The following LIMCH1 variants were observed in gnomAD, a reference collection of about 807,000 sequenced individuals.
The protein encoded by LIMCH1 is LIM and calponin homology domains-containing protein 1.
In LIMCH1, 113 loss-of-function variants were observed where a neutral mutation model predicts 176.5. The ratio of observed to expected loss-of-function variants is 0.64; its 90% CI spans 0.55 to 0.75. The LOEUF (loss-of-function observed/expected upper bound fraction) is 0.75, where lower values mean the gene tolerates loss of function less well. Ranked by LOEUF, LIMCH1 falls within the 30% of genes least tolerant of loss-of-function variation. The pLI is 0.00. For missense variants in LIMCH1, 1,674 were observed against 1,814.9 expected (o/e 0.92, Z 1.41); for synonymous variants, 619 against 645.9 (o/e 0.96, Z 0.63).
At chr4:41,657,914 T>G (rs1170624633) in intron 18 of LIMCH1, among the ~76,000 whole-genome samples, 1 of 151,400 alleles carries the variant, frequency 6.6e-6, no homozygotes, top group African/African-American at 2.4e-5. Flanking sequence ...AATAAATGAG[T>G]GGGAGGTAGA....
At chr4:41,613,774 C>T (rs1318720977) in intron 5 of LIMCH1, 113 bp downstream of exon 5, 12 of 827,544 alleles carry the variant, frequency 1.5e-5, no homozygotes, top group African/African-American at 1.4e-4. Context: ...TCCACCTTGC[C>T]GGAACTTAGT....
intron 1 of LIMCH1, among the ~76,000 whole-genome samples, chr4:41,567,821 A>C (rs2082971708): frequency 6.6e-6 from 1 of 152,222 alleles, no homozygotes; most frequent in Non-Finnish European, 1.5e-5. Context: ...ATCAGAAAAG[A>C]TGATAAGTTC....
At chr4:41,490,269 C>G (rs2154172563) in intron 1 of LIMCH1, among the ~76,000 whole-genome samples, 1 of 150,102 alleles carries the variant, frequency 6.7e-6, no homozygotes, top group African/African-American at 2.5e-5. Context: ...TTCTTTCTTT[C>G]TCCCTTTCTT....
At chr4:41,481,915 A>G (rs1320430909) in intron 1 of LIMCH1, among the ~76,000 whole-genome samples, 7 of 151,688 alleles carry the variant, frequency 4.6e-5, no homozygotes, top group Non-Finnish European at 8.8e-5. Context: ...CAGTGGTGCA[A>G]TCTCAGCTCA....
chr4:41,698,860 A>C lies in LIMCH1; in HGVS notation c.*1675A>C, dbSNP rs934340537. ...ATTTCATTAAAAATTGTGCCTTAGA[A>C]AACGCAAAGCTGTTGCACATGGCGA... On this transcript the variant is annotated 3_prime_UTR_variant, in exon 32 of 32. Coordinates refer to ENST00000503057, the MANE Select transcript of LIMCH1 (RefSeq NM_001330672.2). 5 of 152,676 alleles carry C rather than the reference A, an allele frequency of 3.3e-5. No homozygotes were observed. Among genetic ancestry groups the C allele is most frequent in the African/African-American group, 1.2e-4 (5 of 41,468 alleles). 9.5% of individuals were successfully genotyped at this position (152,676 alleles called of 1,614,324 possible).
intron 1 of LIMCH1, among the ~76,000 whole-genome samples, chr4:41,543,176 A>G (rs973071533): frequency 1.4e-4 from 22 of 152,320 alleles, no homozygotes; most frequent in Admixed American, 6.5e-5. Flanking sequence ...AATAAAGAGT[A>G]TTTGTTCCTA....
chr4:41,567,748 A>G (rs2082962898), intron 1 of LIMCH1, among the ~76,000 whole-genome samples: 1 of 152,226 alleles, frequency 6.6e-6, no homozygotes, highest in African/African-American at 2.4e-5. Context: ...CTTTGGAAGT[A>G]TTGCTACACT....
At position 41,646,712 on chromosome 4, in the gene LIMCH1, C is replaced by T; in HGVS notation, c.2639C>T (p.Pro880Leu). The part of the protein sequence containing the change: ...PMKYLRQQSL[P>L]PPKFTATVET... ...AAATACCTGCGGCAACAGTCACTGC[C>T]TCCACCCAAATTCACTGCCACTGTT... The change falls in exon 17 of 32, where the codon CCT becomes CTT. Residue 880 changes from proline (P) to leucine (L), a missense_variant. Coordinates refer to ENST00000503057, the MANE Select transcript of LIMCH1 (RefSeq NM_001330672.2). 6.2e-7 allele frequency: 1 copy of T among 1,614,208 alleles called. No homozygotes were observed. The highest frequency in any genetic ancestry group is 8.5e-7 in the Non-Finnish European group (1 of 1,180,034).
At chr4:41,671,017 AAAT>A in intron 21 of LIMCH1, 1 of 975,312 alleles carries the variant, frequency 1.0e-6, no homozygotes, top group East Asian at 1.1e-4. Flanking sequence ...GAATTCAAAG[AAAT>A]AATAATATTC....
intron 1 of LIMCH1, among the ~76,000 whole-genome samples, chr4:41,408,494 T>C (rs1398012588): frequency 6.6e-6 from 1 of 152,182 alleles, no homozygotes; most frequent in Non-Finnish European, 1.5e-5. Flanking sequence ...AGTCAAGAAA[T>C]CTGCCCAAAG....
At chr4:41,531,366 A>G (rs1009158242) in intron 3 of LIMCH1, among the ~76,000 whole-genome samples, 2 of 151,816 alleles carry the variant, frequency 1.3e-5, no homozygotes, top group Non-Finnish European at 2.9e-5. Flanking sequence ...AAAGCATTAG[A>G]ATTCTTTACT....
chr4:41,506,207 T>C (rs567101723), intron 2 of LIMCH1, among the ~76,000 whole-genome samples: 1 of 152,328 alleles, frequency 6.6e-6, no homozygotes, highest in East Asian at 1.9e-4. Context: ...GTTCCTGTGT[T>C]GCTGAAATGA....
At chr4:41,513,788 T>C (rs768451895) in intron 2 of LIMCH1, among the ~76,000 whole-genome samples, 10 of 151,988 alleles carry the variant, frequency 6.6e-5, no homozygotes, top group Non-Finnish European at 1.0e-4. Context: ...GCGGATCACC[T>C]GAAGTCAGGA....
intron 1 of LIMCH1, among the ~76,000 whole-genome samples, chr4:41,388,523 T>C (rs2056791173): frequency 6.6e-6 from 1 of 152,226 alleles, no homozygotes; most frequent in South Asian, 2.1e-4. Context: ...ATTGGGGATG[T>C]TGGAAATAGT....
chr4:41,466,062 G>T (rs2066069918), intron 1 of LIMCH1, among the ~76,000 whole-genome samples: 1 of 150,122 alleles, frequency 6.7e-6, no homozygotes, highest in African/African-American at 2.5e-5. Flanking sequence ...GGATTCAAGT[G>T]ATTCTCCCGT....
chr4:41,613,539 G>T lies in LIMCH1; in HGVS notation c.83G>T (p.Arg28Leu). 1.2e-6 allele frequency: 2 copies of T among 1,614,008 alleles called. No individual in the cohort carries two copies. The highest frequency in any genetic ancestry group is 1.7e-6 in the Non-Finnish European group (2 of 1,179,946). ...TACATCGACTGCTGGGATTCCGAGC[G>T]CAGCGACTCCCTCTCTCCTCCTCGC... ...SGYIDCWDSERSDSLSPPRHG... is the reference protein window; with the variant it reads ...SGYIDCWDSELSDSLSPPRHG... The change falls in exon 5 of 32, where the codon CGC becomes CTC. Residue 28 changes from arginine to leucine, a missense_variant. Around this residue, in one of 3 missense-constraint regions of LIMCH1, gnomAD observed 655 missense variants for 692.2 expected, o/e 0.95. Coordinates refer to ENST00000503057, the MANE Select transcript of LIMCH1 (RefSeq NM_001330672.2).
chr4:41,504,665 G>T (rs553776081), intron 2 of LIMCH1, among the ~76,000 whole-genome samples: 5 of 152,270 alleles, frequency 3.3e-5, no homozygotes, highest in African/African-American at 1.2e-4. Context: ...GTATGACTGT[G>T]TTTATTTTCT....
At chr4:41,663,852 TAAAAAAAAAAAAA>T in intron 20 of LIMCH1, among the ~76,000 whole-genome samples, 1 of 82,764 alleles carries the variant, frequency 1.2e-5, no homozygotes, top group Non-Finnish European at 2.2e-5. Flanking sequence ...TCTTCATCTC[TAAAAAAAAAAAAA>T]AAAAAAAATA....
At chr4:41,522,234 C>T (rs2076192638) in intron 2 of LIMCH1, among the ~76,000 whole-genome samples, 1 of 152,132 alleles carries the variant, frequency 6.6e-6, no homozygotes, top group Non-Finnish European at 1.5e-5. Context: ...AAGGGCATAG[C>T]TCCATATGTA....
Sources: allele counts gnomAD v4.1 joint callset (sites outside exome capture counted in the v4.1 genomes callset), GRCh38; gene constraint gnomAD v4.1.1; regional missense constraint gnomAD v4.1.1; transcripts MANE v1.5; gene names NCBI Gene and HGNC (gene_info 2026-07-23, HGNC 2026-07-21).